The following HTR1F variants were observed in gnomAD, a reference collection of about 807,000 sequenced individuals.
The protein encoded by HTR1F is 5-hydroxytryptamine (serotonin) receptor 1F, G protein-coupled.
HTR1F carries 17 observed loss-of-function variants against 24.0 expected under a neutral mutation model. That is an observed-to-expected ratio of 0.71 (90% CI 0.48 to 1.06). The LOEUF (loss-of-function observed/expected upper bound fraction) is 1.06, where lower values mean the gene tolerates loss of function less well. HTR1F is among the 50% of genes least tolerant of loss of function. The probability of loss-of-function intolerance (pLI) is 0.00; values close to 1 mark genes in which losing one functional copy is unlikely to be tolerated. For missense variants in HTR1F, 391 were observed against 427.8 expected, an observed-to-expected ratio of 0.91 and a Z score of 0.76; for synonymous variants, 186 against 156.8, an observed-to-expected ratio of 1.19 and a Z score of -1.39.
At chr3:87,808,457 G>A (rs999004691) in intron 1 of HTR1F, among the ~76,000 whole-genome samples, 2 of 151,314 alleles carry the variant, frequency 1.3e-5, no homozygotes, top group Non-Finnish European at 3.0e-5. Context: ...GATATCAGTT[G>A]TAATGTCTTT....
chr3:87,900,419 G>A (rs1394051461), intron 2 of HTR1F, among the ~76,000 whole-genome samples: 1 of 152,158 alleles, frequency 6.6e-6, no homozygotes, highest in African/African-American at 2.4e-5. Flanking sequence ...AGACAAGTTT[G>A]GGGAAATCAG....
chr3:87,866,506 A>G (rs1187605159), intron 2 of HTR1F, among the ~76,000 whole-genome samples: 1 of 151,750 alleles, frequency 6.6e-6, no homozygotes, highest in Non-Finnish European at 1.5e-5. Flanking sequence ...AGCCATCACC[A>G]GATTTTACCT....
At chr3:87,935,134 C>T (rs1704380267) in intron 2 of HTR1F, among the ~76,000 whole-genome samples, 1 of 152,184 alleles carries the variant, frequency 6.6e-6, no homozygotes, top group South Asian at 2.1e-4. Flanking sequence ...TCCCAAAGTG[C>T]TGGGATTACA....
rs370220538 is a variant in HTR1F, at chr3:87,975,070, G to A, written c.-42-15638G>A. On this transcript the variant is annotated intron_variant, in intron 2 of 2. Coordinates refer to ENST00000319595, the MANE Select transcript of HTR1F (RefSeq NM_001322209.2). The stretch of plus-strand genomic sequence containing the variant: ...AAAACATATGAATTTTATTAGTATC[G>A]GTCTCAAGTGTACTTATTTATTAAA... Among the ~76,000 whole-genome samples the A allele has an allele frequency of 2.3e-4, 35 of 151,848 alleles. No homozygotes were observed. The East Asian group carries it at 3.7e-3, about 16-fold the overall frequency.
At chr3:87,803,621 A>G (rs941624365) in intron 1 of HTR1F, among the ~76,000 whole-genome samples, 1 of 152,178 alleles carries the variant, frequency 6.6e-6, no homozygotes, top group Non-Finnish European at 1.5e-5. Context: ...AAGATACAAA[A>G]TATGTACAAT....
chr3:87,890,500 G>C (rs1503428), intron 2 of HTR1F, among the ~76,000 whole-genome samples: 1 of 149,636 alleles, frequency 6.7e-6, no homozygotes, highest in African/African-American at 2.4e-5. Context: ...ATGTATGTAA[G>C]TAACTATCCT....
chr3:87,932,264 G>A (rs1384596485), intron 2 of HTR1F, among the ~76,000 whole-genome samples: 1 of 152,034 alleles, frequency 6.6e-6, no homozygotes, highest in East Asian at 1.9e-4. Flanking sequence ...TCTACATATG[G>A]CTAGCCAGTT....
chr3:87,860,070 T>C (rs1480495402), intron 2 of HTR1F, among the ~76,000 whole-genome samples: 1 of 152,222 alleles, frequency 6.6e-6, no homozygotes, highest in Non-Finnish European at 1.5e-5. Flanking sequence ...ACCTTGGCAT[T>C]GAAGGTTACT....
chr3:87,938,160 A>C (rs539912314), intron 2 of HTR1F, among the ~76,000 whole-genome samples: 12 of 152,278 alleles, frequency 7.9e-5, no homozygotes, highest in African/African-American at 2.9e-4. Context: ...GCAAGCAGAG[A>C]GCCAAATCAG....
intron 2 of HTR1F, among the ~76,000 whole-genome samples, chr3:87,885,235 A>G (rs1289693814): frequency 1.3e-5 from 2 of 152,214 alleles, no homozygotes; most frequent in Admixed American, 6.5e-5. Context: ...CTGCTCTTGA[A>G]TGACTACTGG....
chr3:87,794,374 C>A (rs1054325225), intron 1 of HTR1F, among the ~76,000 whole-genome samples: 12 of 151,890 alleles, frequency 7.9e-5, no homozygotes, highest in Non-Finnish European at 1.5e-4. Context: ...CAAAGTGAGT[C>A]TTGAGAATGA....
At chr3:87,879,816 C>T (rs1705749447) in intron 2 of HTR1F, among the ~76,000 whole-genome samples, 1 of 151,982 alleles carries the variant, frequency 6.6e-6, no homozygotes, top group Non-Finnish European at 1.5e-5. Context: ...CAACATCAGC[C>T]TATCTTATTT....
At chr3:87,961,491 G>A (rs1273828541) in intron 2 of HTR1F, among the ~76,000 whole-genome samples, 3 of 151,954 alleles carry the variant, frequency 2.0e-5, no homozygotes, top group Non-Finnish European at 2.9e-5. Flanking sequence ...GCTGGGCTTC[G>A]TGGCTCACAT....
At chr3:87,901,250 G>C (rs1706313979) in intron 2 of HTR1F, among the ~76,000 whole-genome samples, 1 of 152,152 alleles carries the variant, frequency 6.6e-6, no homozygotes, top group Admixed American at 6.6e-5. Flanking sequence ...GGATGTGACT[G>C]TATTTGAGAT....
intron 2 of HTR1F, among the ~76,000 whole-genome samples, chr3:87,836,059 G>T (rs550696155): frequency 5.9e-5 from 9 of 152,248 alleles, no homozygotes; most frequent in African/African-American, 2.2e-4. Flanking sequence ...ATTCTACCCA[G>T]CAGAAAAGGA....
intron 2 of HTR1F, among the ~76,000 whole-genome samples, chr3:87,841,820 A>C (rs1193069683): frequency 6.7e-6 from 1 of 148,970 alleles, no homozygotes; most frequent in Non-Finnish European, 1.5e-5. Context: ...GAATCGCTTG[A>C]ACCCTGGAGG....
chr3:87,868,012 T>G (rs1394302568), intron 2 of HTR1F, among the ~76,000 whole-genome samples: 1 of 152,100 alleles, frequency 6.6e-6, no homozygotes, highest in Non-Finnish European at 1.5e-5. Context: ...CCTTAAAAAT[T>G]CCATTCCTTA....
intron 2 of HTR1F, among the ~76,000 whole-genome samples, chr3:87,865,433 G>T (rs533575444): frequency 1.3e-5 from 2 of 151,974 alleles, no homozygotes; most frequent in East Asian, 3.9e-4. Flanking sequence ...AATATTATCA[G>T]TGCCACCGAC....
At chr3:87,938,643 A>C (rs1356734188) in intron 2 of HTR1F, among the ~76,000 whole-genome samples, 1 of 152,058 alleles carries the variant, frequency 6.6e-6, no homozygotes, top group Non-Finnish European at 1.5e-5. Context: ...TGCACACCTA[A>C]GACCATCTAA....
Sources: gnomAD v4.1 joint callset for allele counts (sites outside exome capture counted in the v4.1 genomes callset) on GRCh38, gnomAD v4.1.1 for gene constraint, MANE v1.5 for transcripts, NCBI Gene and HGNC (gene_info 2026-07-23, HGNC 2026-07-21) for gene names.